Variants in PSMB2 observed in about 807,000 individuals in gnomAD.
PSMB2 encodes the protein proteasome subunit beta type-2.
In PSMB2, 13 loss-of-function variants were observed where a neutral mutation model predicts 25.7. That is an observed-to-expected ratio of 0.51 (90% CI 0.33 to 0.80). The LOEUF is 0.80. PSMB2 is among the 30% of genes least tolerant of loss of function. PSMB2 has a pLI of 0.02. For synonymous variants in PSMB2, 87 were observed against 96.2 expected (o/e 0.90, Z 0.56); for missense variants, 202 against 259.0 (o/e 0.78, Z 1.51).
chr1:35,614,832 A>C (rs1650447996), intron 3 of PSMB2, among the ~76,000 whole-genome samples: 1 of 152,216 alleles, frequency 6.6e-6, no homozygotes, highest in African/African-American at 2.4e-5. Flanking sequence ...GGTACCACCA[A>C]AATTTTGCCT....
At chr1:35,620,960 C>G (rs149367697) in intron 3 of PSMB2, among the ~76,000 whole-genome samples, 2,774 of 151,612 alleles carry the variant, frequency 0.018, 97 homozygotes, top group African/African-American at 0.063. Context: ...GCCACTGTGC[C>G]CGGCTGACTT....
At chr1:35,628,631 A>ATATTTTTTT (rs1202256440) in intron 3 of PSMB2, among the ~76,000 whole-genome samples, 2 of 38,084 alleles carry the variant, frequency 5.3e-5, no homozygotes, top group Non-Finnish European at 7.9e-5. Flanking sequence ...ATATATATAT[A>ATATTTTTTT]TTTTTTTTTT....
At chr1:35,611,508 G>A (rs887239146) in intron 3 of PSMB2, among the ~76,000 whole-genome samples, 1 of 152,034 alleles carries the variant, frequency 6.6e-6, no homozygotes, top group Non-Finnish European at 1.5e-5. Context: ...ATGCCCTGCT[G>A]ATTTATTATT....
Position 35,609,413 on chromosome 1 carries a change from A to G in PSMB2, c.286-5T>C. The G allele has an allele frequency of 2.0e-6, 3 of 1,506,648 alleles. No homozygotes were observed. Among genetic ancestry groups the G allele is most frequent in the Non-Finnish European group, 1.8e-6 (2 of 1,120,392 alleles). 93.3% of individuals were successfully genotyped at this position (1,506,648 alleles called of 1,614,324 possible). A position where few individuals can be genotyped will look rare whatever the true frequency, so the allele number is the denominator to read the frequency against. On this transcript the variant is annotated splice_region_variant and splice_polypyrimidine_tract_variant and intron_variant, in intron 3 of 5. Transcript: ENST00000373237. ...GAGGTTCACATGATATGGGGTCTGC[A>G]AAGAAAAGATATGGCAAAGTGATAA...
At chr1:35,610,183 A>C (rs564409270) in intron 3 of PSMB2, among the ~76,000 whole-genome samples, 2 of 152,342 alleles carry the variant, frequency 1.3e-5, no homozygotes, top group African/African-American at 4.8e-5. Flanking sequence ...TCACAGGTAT[A>C]ATCTCAGCAC....
intron 3 of PSMB2, among the ~76,000 whole-genome samples, chr1:35,623,828 T>C (rs58980078): frequency 9.8e-4 from 149 of 152,336 alleles, no homozygotes; most frequent in Middle Eastern, 3.4e-3. Context: ...GTTAGTGATA[T>C]TTCAATCACA....
At chr1:35,634,462 G>C (rs1279972645) in intron 2 of PSMB2, among the ~76,000 whole-genome samples, 1 of 152,136 alleles carries the variant, frequency 6.6e-6, no homozygotes, top group Non-Finnish European at 1.5e-5. Context: ...CTGAGACCTT[G>C]AACTCCTGGG....
At chr1:35,603,518 G>A in intron 5 of PSMB2, 144 bp from the exon 6 acceptor site, 2 of 980,986 alleles carry the variant, frequency 2.0e-6, no homozygotes, top group Non-Finnish European at 3.0e-6. Context: ...GTTGGCAGTA[G>A]GGCACTAGTA....
At chr1:35,638,746 A>C (rs541099710) in intron 1 of PSMB2, among the ~76,000 whole-genome samples, 33 of 152,342 alleles carry the variant, frequency 2.2e-4, no homozygotes, top group African/African-American at 7.7e-4. Flanking sequence ...GCATATAAGC[A>C]AACCAAAAGT....
At chr1:35,623,458 G>A (rs535496540) in intron 3 of PSMB2, among the ~76,000 whole-genome samples, 1 of 152,146 alleles carries the variant, frequency 6.6e-6, no homozygotes, top group East Asian at 1.9e-4. Flanking sequence ...TGAACATCTT[G>A]GTTTTCGTTT....
chr1:35,631,852 T>A (rs1651112857), intron 2 of PSMB2, among the ~76,000 whole-genome samples: 1 of 151,996 alleles, frequency 6.6e-6, no homozygotes, highest in Admixed American at 6.6e-5. Flanking sequence ...GAGACCCCCA[T>A]CTCTAAAAAA....
intron 4 of PSMB2, among the ~76,000 whole-genome samples, chr1:35,608,225 C>T (rs1436737315): frequency 4.6e-5 from 7 of 152,082 alleles, no homozygotes; most frequent in African/African-American, 1.7e-4. Flanking sequence ...ACTAGCCAGG[C>T]GTGGTGGCAC....
intron 2 of PSMB2, among the ~76,000 whole-genome samples, chr1:35,632,187 CTGCAGTA>C (rs1336159540): frequency 1.3e-5 from 2 of 152,184 alleles, no homozygotes; most frequent in African/African-American, 4.8e-5. Context: ...TTCCATCATT[CTGCAGTA>C]TTTTTAAAAA....
chr1:35,600,520 T>C lies in PSMB2; in HGVS notation c.*2747A>G. On this transcript the variant is annotated 3_prime_UTR_variant, in exon 6 of 6. Coordinates refer to ENST00000373237, the MANE Select transcript of PSMB2 (RefSeq NM_002794.5). ...TCCAAAATAAAACATTTATTAAAAA[T>C]AAATGATGCCTGGGTTTCTGACTTG... 1 of 983,860 alleles carries C rather than the reference T, an allele frequency of 1.0e-6. No homozygotes were observed. The highest frequency in any genetic ancestry group is 1.2e-6 in the Non-Finnish European group (1 of 828,474). The allele number at this position is 983,860 out of a possible 1,614,324, so 60.9% of individuals were successfully genotyped here.
At chr1:35,624,221 AT>A (rs1650781144) in intron 3 of PSMB2, among the ~76,000 whole-genome samples, 2 of 152,222 alleles carry the variant, frequency 1.3e-5, no homozygotes, top group Non-Finnish European at 2.9e-5. Context: ...TTGACATAAG[AT>A]TTTTAAATCA....
chr1:35,600,880 C>T lies in PSMB2; in HGVS notation c.*2387G>A, dbSNP rs890604553. ...TCATTATACACTTACTGAGCACTTA[C>T]CACATGCCAAGCCCTGAACTAAATG... On this transcript the variant is annotated 3_prime_UTR_variant, in exon 6 of 6. Transcript: ENST00000373237. 5.1e-6 allele frequency: 5 copies of T among 984,946 alleles called. No individual in the cohort carries two copies. In the African/African-American group the frequency reaches 8.7e-5, roughly 17 times the overall value. 61.0% of individuals were successfully genotyped at this position (984,946 alleles called of 1,614,324 possible). A position where few individuals can be genotyped will look rare whatever the true frequency, so the allele number is the denominator to read the frequency against.
Position 35,600,463 on chromosome 1 carries a change from TC to T in PSMB2, c.*2803del. On this transcript the variant is annotated 3_prime_UTR_variant, in exon 6 of 6. Coordinates refer to ENST00000373237, the MANE Select transcript of PSMB2 (RefSeq NM_002794.5). The stretch of plus-strand genomic sequence containing the variant: ...TAAGGGGTATAAGGACACCATATTA[TC>T]TTTGCAACTTTTCTGTAAAACCAAA... The T allele has an allele frequency of 1.1e-6, 1 of 926,770 alleles. No homozygotes were observed. Among genetic ancestry groups the T allele is most frequent in the Non-Finnish European group, 1.3e-6 (1 of 776,678 alleles). The allele number at this position is 926,770 out of a possible 1,614,324, so 57.4% of individuals were successfully genotyped here. A position where few individuals can be genotyped will look rare whatever the true frequency, so the allele number is the denominator to read the frequency against.
At chr1:35,628,618 TATATATA>T (rs1650977976) in intron 3 of PSMB2, among the ~76,000 whole-genome samples, 5 of 52,344 alleles carry the variant, frequency 9.6e-5, no homozygotes, top group East Asian at 2.7e-3. Context: ...TATATATATA[TATATATA>T]TATATATTTT....
At chr1:35,622,202 T>C (rs1173441284) in intron 3 of PSMB2, among the ~76,000 whole-genome samples, 2 of 152,084 alleles carry the variant, frequency 1.3e-5, no homozygotes, top group African/African-American at 4.8e-5. Flanking sequence ...AGCCCCTAAA[T>C]TCATATTCCT....
Sources: allele counts gnomAD v4.1 joint callset (sites outside exome capture counted in the v4.1 genomes callset), GRCh38; gene constraint gnomAD v4.1.1; transcripts MANE v1.5; gene names NCBI Gene and HGNC (gene_info 2026-07-23, HGNC 2026-07-21).